The following SCD5 variants were observed in gnomAD, a reference collection of about 807,000 sequenced individuals.
SCD5 encodes the protein acyl-CoA-desaturase 4.
A neutral mutation model predicts 30.4 loss-of-function variants in SCD5; 20 were observed. The observed-to-expected ratio is 0.66, with a 90% CI of 0.46 to 0.96. The LOEUF (loss-of-function observed/expected upper bound fraction) is 0.96. SCD5 is among the 40% of genes least tolerant of loss of function. The pLI is 0.00. For missense variants in SCD5, 381 were observed against 443.3 expected (o/e 0.86, Z 1.26); for synonymous variants, 173 against 176.4 (o/e 0.98, Z 0.16).
At chr4:82,718,230 G>A (rs941753791) in intron 1 of SCD5, among the ~76,000 whole-genome samples, 1 of 151,798 alleles carries the variant, frequency 6.6e-6, no homozygotes, top group African/African-American at 2.4e-5. Context: ...AGGGCTGAGT[G>A]CTGTGCTCTG....
At chr4:82,770,188 CCA>C (rs1470159125) in intron 1 of SCD5, among the ~76,000 whole-genome samples, 3 of 152,182 alleles carry the variant, frequency 2.0e-5, no homozygotes, top group Admixed American at 6.6e-5. Flanking sequence ...GCCCCCCTCC[CCA>C]CACCCCACGA....
At chr4:82,690,895 C>A (rs1728818166) in intron 2 of SCD5, among the ~76,000 whole-genome samples, 1 of 152,166 alleles carries the variant, frequency 6.6e-6, no homozygotes, top group Non-Finnish European at 1.5e-5. Context: ...AAATACTAAA[C>A]ATAAAGTAAA....
chr4:82,770,155 G>A (rs979557110), intron 1 of SCD5, among the ~76,000 whole-genome samples: 2 of 151,704 alleles, frequency 1.3e-5, no homozygotes, highest in African/African-American at 4.9e-5. Context: ...ATTTACATTA[G>A]GTATATCTCC....
chr4:82,731,846 T>G (rs1485936901), intron 1 of SCD5, among the ~76,000 whole-genome samples: 1 of 152,178 alleles, frequency 6.6e-6, no homozygotes, highest in Non-Finnish European at 1.5e-5. Flanking sequence ...CCAGAGGTAG[T>G]AAAGTGACTG....
chr4:82,740,761 T>A (rs1000007850), intron 1 of SCD5, among the ~76,000 whole-genome samples: 1 of 152,184 alleles, frequency 6.6e-6, no homozygotes, highest in Non-Finnish European at 1.5e-5. Context: ...CTTCCAAATG[T>A]AAGCAAAATG....
At position 82,712,259 on chromosome 4, in the gene SCD5, TA is replaced by T. The variant is rs1560540699; in HGVS notation, c.233-6847del. Among the ~76,000 whole-genome samples, 5 of 37,926 alleles carry T rather than the reference TA, an allele frequency of 1.3e-4. 2 individuals are homozygous for T. The highest frequency in any genetic ancestry group is 2.2e-4 in the Non-Finnish European group (5 of 23,090). 24.9% of individuals were successfully genotyped at this position (37,926 alleles called of 152,430 possible). A position where few individuals can be genotyped will look rare whatever the true frequency, so the allele number is the denominator to read the frequency against. Reference sequence around the variant, plus strand: ...ACCAACTAACATATATATATATATATATATATATATATATATATATATATAT... The same window carrying T: ...ACCAACTAACATATATATATATATATTATATATATATATATATATATATAT... On this transcript the variant is annotated intron_variant, in intron 1 of 4. Transcript: ENST00000319540.
chr4:82,798,086 CGG>C lies in SCD5; in HGVS notation c.232+218_232+219del, dbSNP rs34694654. ...CAGGCAGACCGCGGCGGGGTGGGGG[CGG>C]GGGGGGGGCGGAAGTTGAAATACTG... On this transcript the variant is annotated intron_variant, in intron 1 of 4. Transcript: ENST00000319540. Among the ~76,000 whole-genome samples, 92 of 124,130 alleles carry C rather than the reference CGG, an allele frequency of 7.4e-4. 1 individual carries two copies. Among genetic ancestry groups the C allele is most frequent in the East Asian group, 1.4e-3 (5 of 3,652 alleles). 81.4% of individuals were successfully genotyped at this position (124,130 alleles called of 152,430 possible).
chr4:82,648,755 C>T (rs993845032), intron 3 of SCD5, among the ~76,000 whole-genome samples: 4 of 152,104 alleles, frequency 2.6e-5, no homozygotes, highest in Non-Finnish European at 5.9e-5. Context: ...TTCTCTTTAT[C>T]TGTGAAGGGT....
intron 3 of SCD5, among the ~76,000 whole-genome samples, chr4:82,673,195 T>C (rs1272489748): frequency 1.3e-5 from 2 of 152,076 alleles, no homozygotes; most frequent in African/African-American, 4.8e-5. Context: ...GTAAAAGATA[T>C]ATCGATTGGG....
intron 1 of SCD5, among the ~76,000 whole-genome samples, chr4:82,746,443 T>C (rs1311972590): frequency 1.3e-5 from 2 of 152,222 alleles, no homozygotes; most frequent in African/African-American, 4.8e-5. Context: ...TTTCTCTCTT[T>C]GGCTTTCATC....
At chr4:82,667,671 T>C (rs767771449) in intron 3 of SCD5, among the ~76,000 whole-genome samples, 38 of 152,268 alleles carry the variant, frequency 2.5e-4, no homozygotes, top group Non-Finnish European at 4.3e-4. Flanking sequence ...TAGTTGATTT[T>C]ACCAAGTTCT....
intron 4 of SCD5, among the ~76,000 whole-genome samples, chr4:82,634,623 G>A (rs967921918): frequency 2.6e-4 from 40 of 152,284 alleles, no homozygotes; most frequent in African/African-American, 9.4e-4. Flanking sequence ...AGCTTTCCAA[G>A]GACTTTTGGG....
chr4:82,652,413 G>C (rs930883916), intron 3 of SCD5, among the ~76,000 whole-genome samples: 1 of 152,180 alleles, frequency 6.6e-6, no homozygotes, highest in African/African-American at 2.4e-5. Context: ...AGTGGAGGAA[G>C]AAGAAAGACA....
chr4:82,745,733 C>G (rs1330064654), intron 1 of SCD5, among the ~76,000 whole-genome samples: 1 of 152,174 alleles, frequency 6.6e-6, no homozygotes, highest in Non-Finnish European at 1.5e-5. Flanking sequence ...TCATGAATCA[C>G]ACCCAGATAC....
At chr4:82,709,319 T>G (rs1720032468) in intron 1 of SCD5, among the ~76,000 whole-genome samples, 1 of 152,220 alleles carries the variant, frequency 6.6e-6, no homozygotes. Context: ...TGCCAGTTTA[T>G]GAGACTTTAT....
rs149950613 is a variant in SCD5 at position 82,673,049 on chromosome 4, A to C, written c.569+7658T>G. Among the ~76,000 whole-genome samples the C allele has an allele frequency of 1.9e-4, 29 of 152,212 alleles. No homozygotes were observed. In the East Asian group the frequency reaches 5.6e-3, roughly 29 times the overall value. ...TCAATGATAAAGAATATTTACAAAAAATATACAGCTAATGTCATAAAGGTG... is the reference window on the plus strand; with the variant it reads ...TCAATGATAAAGAATATTTACAAAACATATACAGCTAATGTCATAAAGGTG... On this transcript the variant is annotated intron_variant, in intron 3 of 4. Transcript: ENST00000319540.
chr4:82,716,634 T>C lies in SCD5; in HGVS notation c.233-11221A>G, dbSNP rs142297637. Among the ~76,000 whole-genome samples the C allele has an allele frequency of 7.3e-3, 1,114 of 151,778 alleles. 9 individuals are homozygous for C. The highest frequency in any genetic ancestry group is 0.012 in the Non-Finnish European group (821 of 67,996). On this transcript the variant is annotated intron_variant, in intron 1 of 4. Coordinates refer to ENST00000319540, the MANE Select transcript of SCD5 (RefSeq NM_001037582.3). ...TTCGAGACCAGCCTGGCCAACATGG[T>C]GAAACCCTGTCTCTACTAAAATTAT...
intron 2 of SCD5, among the ~76,000 whole-genome samples, chr4:82,685,103 C>T (rs905328616): frequency 6.6e-6 from 1 of 152,202 alleles, no homozygotes; most frequent in African/African-American, 2.4e-5. Flanking sequence ...TAAAAGTGCA[C>T]TCTCACCACA....
chr4:82,701,821 C>T (rs1414057293), intron 2 of SCD5, among the ~76,000 whole-genome samples: 2 of 152,136 alleles, frequency 1.3e-5, no homozygotes, highest in African/African-American at 4.8e-5. Context: ...TGGACTGGGT[C>T]TGTGAGAGAC....
Sources: gnomAD v4.1 joint callset for allele counts (sites outside exome capture counted in the v4.1 genomes callset) on GRCh38, gnomAD v4.1.1 for gene constraint, MANE v1.5 for transcripts, NCBI Gene and HGNC (gene_info 2026-07-23, HGNC 2026-07-21) for gene names.